The following PAK1 variants were observed in gnomAD, a reference collection of about 807,000 sequenced individuals.
PAK1 encodes serine/threonine-protein kinase PAK 1.
A neutral mutation model predicts 67.4 loss-of-function variants in PAK1; 29 were observed. The ratio of observed to expected loss-of-function variants is 0.43; its 90% confidence interval spans 0.32 to 0.59. The LOEUF (loss-of-function observed/expected upper bound fraction) is 0.59. Among genes scored for constraint, PAK1 ranks in the 20% least tolerant of loss-of-function variants. PAK1 has a pLI of 0.07. For missense variants in PAK1, 337 were observed against 670.7 expected (o/e 0.50, Z 5.50); for synonymous variants, 223 against 237.4 (o/e 0.94, Z 0.56).
At chr11:77,482,788 T>C in the PAK1 span, among the ~76,000 whole-genome samples, 1 of 151,946 alleles carries the variant, frequency 6.6e-6, no homozygotes, top group Non-Finnish European at 1.5e-5. Context: ...TTTCTTTTTG[T>C]AAAGGCAGGA....
intron 9 of PAK1, among the ~76,000 whole-genome samples, chr11:77,344,947 T>C (rs373297201): frequency 1.3e-5 from 2 of 152,208 alleles, no homozygotes; most frequent in African/African-American, 4.8e-5. Context: ...ATGTTCTCCC[T>C]GGTATCTAGT....
chr11:77,510,826 A>G, the PAK1 span, among the ~76,000 whole-genome samples: 113 of 152,336 alleles, frequency 7.4e-4, no homozygotes, highest in East Asian at 0.019. Context: ...CTTTATGAGA[A>G]TACTAAGGAG....
At chr11:77,522,057 T>G in the PAK1 span, among the ~76,000 whole-genome samples, 20 of 152,346 alleles carry the variant, frequency 1.3e-4, no homozygotes, top group Middle Eastern at 6.8e-3. Flanking sequence ...CAAAATAGAC[T>G]TTAGTCTTAT....
intron 5 of PAK1, among the ~76,000 whole-genome samples, chr11:77,365,454 A>T (rs1325006943): frequency 6.6e-6 from 1 of 151,936 alleles, no homozygotes; most frequent in Non-Finnish European, 1.5e-5. Context: ...TTAAAGAAAT[A>T]AGGATAAAAC....
chr11:77,353,699 AC>A (rs1945601005), intron 7 of PAK1, 100 bp from the exon 8 acceptor site: 1 of 890,990 alleles, frequency 1.1e-6, no homozygotes, highest in African/African-American at 1.7e-5. Context: ...GGGTTAAAGA[AC>A]TACCTCCAAT....
chr11:77,448,686 G>A (rs143034950), intron 1 of PAK1, among the ~76,000 whole-genome samples: 449 of 152,298 alleles, frequency 2.9e-3, no homozygotes, highest in African/African-American at 0.01. Flanking sequence ...AGAATGTTTG[G>A]CTTATTTCAG....
intron 1 of PAK1, among the ~76,000 whole-genome samples, chr11:77,423,202 T>C (rs1955363975): frequency 6.6e-6 from 1 of 151,604 alleles, no homozygotes; most frequent in Non-Finnish European, 1.5e-5. Context: ...ATTCCTCTTA[T>C]TAGCAGAAGA....
intron 14 of PAK1, 99 bp downstream of exon 14, chr11:77,332,631 C>T (rs988018200): frequency 5.5e-6 from 5 of 915,598 alleles, no homozygotes; most frequent in Admixed American, 2.1e-5. Flanking sequence ...AGAAGAGAAG[C>T]CTAGTTCTAT....
At chr11:77,459,806 C>T (rs538114545) in intron 1 of PAK1, among the ~76,000 whole-genome samples, 16 of 140,408 alleles carry the variant, frequency 1.1e-4, no homozygotes, top group Admixed American at 1.0e-3. Flanking sequence ...CATTCTCCTG[C>T]CTGAGCCACC....
At chr11:77,362,368 A>C (rs1311840953) in intron 5 of PAK1, among the ~76,000 whole-genome samples, 71 of 152,098 alleles carry the variant, frequency 4.7e-4, no homozygotes, top group Non-Finnish European at 8.8e-5. Context: ...ACTGATACCA[A>C]TTTTTAGTTT....
the PAK1 span, among the ~76,000 whole-genome samples, chr11:77,488,545 A>G: frequency 2.0e-5 from 3 of 152,178 alleles, no homozygotes; most frequent in Non-Finnish European, 4.4e-5. Context: ...AAAATTCAAG[A>G]TAATACAGAG....
At chr11:77,480,803 C>T in the PAK1 span, among the ~76,000 whole-genome samples, 3 of 152,088 alleles carry the variant, frequency 2.0e-5, no homozygotes, top group South Asian at 2.1e-4. Context: ...GGATTACAGG[C>T]GTGAGCCACC....
intron 2 of PAK1, among the ~76,000 whole-genome samples, chr11:77,384,525 G>A (rs967729914): frequency 6.6e-6 from 1 of 152,162 alleles, no homozygotes; most frequent in South Asian, 2.1e-4. Flanking sequence ...CTCAAGTGAC[G>A]AATAGATAAA....
At chr11:77,457,864 C>T (rs752079941) in intron 1 of PAK1, among the ~76,000 whole-genome samples, 1 of 152,204 alleles carries the variant, frequency 6.6e-6, no homozygotes, top group Non-Finnish European at 1.5e-5. Flanking sequence ...CAGTCAAATG[C>T]TACCATATAC....
intron 5 of PAK1, among the ~76,000 whole-genome samples, chr11:77,370,208 A>G (rs1948237525): frequency 6.6e-6 from 1 of 152,050 alleles, no homozygotes; most frequent in Non-Finnish European, 1.5e-5. Context: ...TGAGAAATTT[A>G]CTCTTGGGAT....
In PAK1 at chr11:77,369,190, G is replaced by A. The variant is rs116729380; in HGVS notation, c.477+5138C>T. 8.0e-3 allele frequency among the ~76,000 whole-genome samples: 1,208 copies of A among 151,934 alleles called. 21 individuals carry two copies. The highest frequency in any genetic ancestry group is 0.028 in the African/African-American group (1,161 of 41,432). On this transcript the variant is annotated intron_variant, in intron 5 of 14. Coordinates refer to ENST00000356341, the MANE Select transcript of PAK1 (RefSeq NM_002576.5). ...TTTAAGATTTTTCTCTTTATTCTTG[G>A]ATCTCTTTTCAATTATCTGACTTGG... is the stretch of plus-strand genomic sequence containing the variant.
At chr11:77,469,001 A>T (rs1189388308) in intron 1 of PAK1, among the ~76,000 whole-genome samples, 1 of 152,158 alleles carries the variant, frequency 6.6e-6, no homozygotes, top group Non-Finnish European at 1.5e-5. Flanking sequence ...TTCCTGTATG[A>T]ATGATAAATG....
At chr11:77,342,779 G>C (rs1010137638) in intron 10 of PAK1, among the ~76,000 whole-genome samples, 2 of 152,162 alleles carry the variant, frequency 1.3e-5, no homozygotes, top group African/African-American at 4.8e-5. Flanking sequence ...GTAACAGGAA[G>C]AGGTAGCTGG....
At chr11:77,398,644 G>A (rs1029038739) in intron 1 of PAK1, among the ~76,000 whole-genome samples, 5 of 152,204 alleles carry the variant, frequency 3.3e-5, no homozygotes, top group African/African-American at 1.2e-4. Flanking sequence ...GCAACAAACA[G>A]GAGTGCAGAT....
Sources: gnomAD v4.1 joint callset for allele counts (sites outside exome capture counted in the v4.1 genomes callset) on GRCh38, gnomAD v4.1.1 for gene constraint, MANE v1.5 for transcripts, NCBI Gene and HGNC (gene_info 2026-07-23, HGNC 2026-07-21) for gene names.